Variants in SLC43A1 observed in about 807,000 individuals in gnomAD.
The protein encoded by SLC43A1 is solute carrier family 43 member 1.
SLC43A1 carries 31 observed loss-of-function variants against 59.5 expected under a neutral mutation model. The observed-to-expected ratio is 0.52, with a 90% CI of 0.39 to 0.70. SLC43A1 has a LOEUF of 0.70. Ranked by LOEUF, SLC43A1 falls within the 30% of genes least tolerant of loss-of-function variation. The probability of loss-of-function intolerance (pLI) is 0.00; values close to 1 mark genes in which losing one functional copy is unlikely to be tolerated. For missense variants in SLC43A1, 598 were observed against 717.8 expected (o/e 0.83, Z 1.91); for synonymous variants, 259 against 290.9 (o/e 0.89, Z 1.12).
At chr11:57,487,494 A>G (rs1237874901) in intron 13 of SLC43A1, among the ~76,000 whole-genome samples, 1 of 152,124 alleles carries the variant, frequency 6.6e-6, no homozygotes, top group Non-Finnish European at 1.5e-5. Flanking sequence ...CAGGGATGGC[A>G]TTGACCTCGC....
At chr11:57,503,503 T>C (rs1344362050) in intron 2 of SLC43A1, among the ~76,000 whole-genome samples, 1 of 152,012 alleles carries the variant, frequency 6.6e-6, no homozygotes. Flanking sequence ...TTTGTATTTT[T>C]TGTAGAGATG....
chr11:57,509,708 G>T (rs1477167061), intron 2 of SLC43A1, among the ~76,000 whole-genome samples: 1 of 118,968 alleles, frequency 8.4e-6, no homozygotes, highest in Non-Finnish European at 1.7e-5. Context: ...GAGGGAGAGA[G>T]GGAGGGAGGG....
intron 7 of SLC43A1, among the ~76,000 whole-genome samples, chr11:57,495,717 C>T (rs1405940829): frequency 3.3e-5 from 5 of 152,046 alleles, no homozygotes; most frequent in Admixed American, 2.6e-4. Context: ...CCCAGCTCCT[C>T]GGGAGGCAGA....
intron 5 of SLC43A1, 138 bp from the exon 6 acceptor site, chr11:57,497,983 G>A (rs1399860680): frequency 4.9e-6 from 3 of 616,686 alleles, no homozygotes; most frequent in Admixed American, 3.0e-5. Context: ...ATCAATGTGG[G>A]AAACTGTACT....
intron 11 of SLC43A1, among the ~76,000 whole-genome samples, 193 bp downstream of exon 11, chr11:57,491,031 A>G (rs1040594928): frequency 2.6e-5 from 4 of 152,244 alleles, no homozygotes; most frequent in African/African-American, 9.6e-5. Context: ...AGCACTCTGC[A>G]TTAGCTATTC....
intron 5 of SLC43A1, chr11:57,499,726 C>CG (rs999250020): frequency 1.3e-5 from 2 of 152,394 alleles, no homozygotes; most frequent in Non-Finnish European, 2.9e-5. Flanking sequence ...GGCTGAGGGG[C>CG]GGTGCCAGCG....
At chr11:57,488,763 G>C (rs544515430) in intron 13 of SLC43A1, among the ~76,000 whole-genome samples, 153 bp downstream of exon 13, 1 of 152,340 alleles carries the variant, frequency 6.6e-6, no homozygotes, top group Non-Finnish European at 1.5e-5. Flanking sequence ...ATTACAGCAG[G>C]ATAGGCTGCC....
intron 6 of SLC43A1, among the ~76,000 whole-genome samples, chr11:57,497,238 T>C (rs990579274): frequency 2.6e-5 from 4 of 152,054 alleles, no homozygotes; most frequent in Non-Finnish European, 4.4e-5. Flanking sequence ...ACAGAGGAAA[T>C]TGAGGCCCCC....
intron 2 of SLC43A1, among the ~76,000 whole-genome samples, chr11:57,506,928 T>A (rs1478488805): frequency 6.6e-6 from 1 of 152,254 alleles, no homozygotes; most frequent in Non-Finnish European, 1.5e-5. Context: ...GAACTGCTTC[T>A]GCCTAAATTC....
intron 8 of SLC43A1, 24 bp downstream of exon 8, chr11:57,493,969 C>G (rs764819761): frequency 6.4e-7 from 1 of 1,561,032 alleles, no homozygotes; most frequent in Non-Finnish European, 8.7e-7. Flanking sequence ...TCCCCCAAGG[C>G]CGGCACCTTG....
At position 57,511,204 on chromosome 11, in the gene SLC43A1, A is replaced by T. The variant is rs1270468441; in HGVS notation, c.154+2754T>A. 2.0e-5 allele frequency among the ~76,000 whole-genome samples: 3 copies of T among 152,206 alleles called. No individual in the cohort carries two copies. The East Asian group carries it at 5.8e-4, about 30-fold the overall frequency. On this transcript the variant is annotated intron_variant, in intron 2 of 14. Coordinates refer to ENST00000278426, the MANE Select transcript of SLC43A1 (RefSeq NM_003627.6). Reference sequence around the variant, plus strand: ...TTTGGGAGGCCCAGGAGGGAGGATCACTTGAGCCCAGGAGTTCGAGACCAG... The same window carrying T: ...TTTGGGAGGCCCAGGAGGGAGGATCTCTTGAGCCCAGGAGTTCGAGACCAG...
At chr11:57,512,687 CTT>C (rs1169228862) in intron 2 of SLC43A1, among the ~76,000 whole-genome samples, 1 of 152,104 alleles carries the variant, frequency 6.6e-6, no homozygotes, top group East Asian at 1.9e-4. Flanking sequence ...TGCAGCCACT[CTT>C]ATGTGTATCA....
intron 2 of SLC43A1, among the ~76,000 whole-genome samples, chr11:57,505,226 C>A (rs564645054): frequency 8.5e-5 from 13 of 152,150 alleles, no homozygotes; most frequent in Non-Finnish European, 1.6e-4. Flanking sequence ...TAAAAACATA[C>A]ATTGGCCAGC....
At position 57,500,765 on chromosome 11, in the gene SLC43A1, C is replaced by T; in HGVS notation, c.465+14G>A. ...GGGGGAACTCTGCTGCCAGGCCAGG[C>T]CTGTGACACTCACCGTGAGTGAAGT... On this transcript the variant is annotated intron_variant, in intron 5 of 14. Coordinates refer to ENST00000278426, the MANE Select transcript of SLC43A1 (RefSeq NM_003627.6). 6.2e-7 allele frequency: 1 copy of T among 1,613,586 alleles called. No homozygotes were observed. The highest frequency in any genetic ancestry group is 1.1e-5 in the South Asian group (1 of 91,050).
In SLC43A1 at chr11:57,515,204, A is replaced by C; in HGVS notation, c.-14+240T>G. On this transcript the variant is annotated intron_variant, in intron 1 of 14. Coordinates refer to ENST00000278426, the MANE Select transcript of SLC43A1 (RefSeq NM_003627.6). This position sits in a 1 kb window ranked among gnomAD's most constrained non-coding sequence, Gnocchi z 5.3. ...GGAACTCTGGCAAACGCGCAGCTCT[A>C]AGCAGAGGAAGTGCAGCGAGCGGGG... is the stretch of plus-strand genomic sequence containing the variant. 7.2e-6 allele frequency: 2 copies of C among 278,316 alleles called. No homozygotes were observed. Among genetic ancestry groups the C allele is most frequent in the Non-Finnish European group, 1.1e-5 (2 of 183,412 alleles). 17.2% of individuals were successfully genotyped at this position (278,316 alleles called of 1,614,324 possible).
Position 57,484,949 on chromosome 11 carries a change from T to C in SLC43A1, c.*147A>G. ...GTTTTTTTTCCTCCTTTTTGCAGTC[T>C]TTACAAAAATAGAACTTCTCTTGGT... On this transcript the variant is annotated 3_prime_UTR_variant, in exon 15 of 15. Transcript: ENST00000278426. 1.9e-6 allele frequency: 2 copies of C among 1,027,864 alleles called. No individual in the cohort carries two copies. The highest frequency in any genetic ancestry group is 2.7e-6 in the Non-Finnish European group (2 of 744,902). 63.7% of individuals were successfully genotyped at this position (1,027,864 alleles called of 1,614,324 possible).
intron 8 of SLC43A1, among the ~76,000 whole-genome samples, chr11:57,492,642 A>G (rs1004225601): frequency 7.1e-6 from 1 of 140,558 alleles, no homozygotes; most frequent in African/African-American, 2.7e-5. Flanking sequence ...AGGCAGGAGG[A>G]TCACTTGAGC....
At position 57,491,848 on chromosome 11, in the gene SLC43A1, G is replaced by T. The variant is rs201650859; in HGVS notation, c.886C>A (p.Arg296Ser). The change falls in exon 9 of 15, where the codon CGC (arginine) becomes AGC (serine). Residue 296 changes from arginine (R) to serine (S), a missense_variant. Coordinates refer to ENST00000278426, the MANE Select transcript of SLC43A1 (RefSeq NM_003627.6). ...ENLPERSVPLRKSLCSPTFLW... is the reference protein window; with the variant it reads ...ENLPERSVPLSKSLCSPTFLW... Reference sequence around the variant, plus strand: ...AAAGTGGGGGAGCAGAGGCTCTTGCGTAAGGGGACAGACCCTGGGGAGACA... The same window carrying T: ...AAAGTGGGGGAGCAGAGGCTCTTGCTTAAGGGGACAGACCCTGGGGAGACA... The T allele has an allele frequency of 1.4e-5, 23 of 1,614,022 alleles. No individual in the cohort carries two copies. The highest frequency in any genetic ancestry group is 1.9e-5 in the Non-Finnish European group (22 of 1,180,034).
intron 6 of SLC43A1, among the ~76,000 whole-genome samples, chr11:57,496,528 T>C (rs1202639702): frequency 6.6e-6 from 1 of 152,228 alleles, no homozygotes; most frequent in Non-Finnish European, 1.5e-5. Context: ...CATTTCATAG[T>C]ACGTACAAAG....
Sources: gnomAD v4.1 joint callset for allele counts (sites outside exome capture counted in the v4.1 genomes callset) on GRCh38, gnomAD v4.1.1 for gene constraint, Gnocchi (gnomAD v3.1) non-coding constraint, MANE v1.5 for transcripts, NCBI Gene and HGNC (gene_info 2026-07-23, HGNC 2026-07-21) for gene names.